The following CDH22 variants were observed in gnomAD, a reference collection of about 807,000 sequenced individuals.
The protein encoded by CDH22 is cadherin-22.
Under a neutral mutation model 58.4 loss-of-function variants are expected in CDH22, and 30 were observed. That is an observed-to-expected ratio of 0.51 (90% CI 0.38 to 0.70). CDH22 has a LOEUF of 0.70. Ranked by LOEUF, CDH22 falls within the 30% of genes least tolerant of loss-of-function variation. CDH22 has a pLI of 0.00. For synonymous variants in CDH22, 513 were observed against 558.2 expected (o/e 0.92, Z 1.14); for missense variants, 1,014 against 1,233.9 (o/e 0.82, Z 2.67).
chr20:46,247,148 T>G (rs1209529702), intron 2 of CDH22, among the ~76,000 whole-genome samples: 1 of 152,122 alleles, frequency 6.6e-6, no homozygotes, highest in East Asian at 1.9e-4. Context: ...CTCAAGATGG[T>G]GGAACTATCC....
chr20:46,185,472 T>C (rs1309458762), intron 10 of CDH22, among the ~76,000 whole-genome samples: 1 of 152,120 alleles, frequency 6.6e-6, no homozygotes, highest in African/African-American at 2.4e-5. Context: ...TATATGACCC[T>C]GGGCAGGACT....
At chr20:46,287,579 C>T (rs569915814) in intron 1 of CDH22, among the ~76,000 whole-genome samples, 2 of 151,120 alleles carry the variant, frequency 1.3e-5, no homozygotes, top group South Asian at 2.1e-4. Flanking sequence ...TGAAAGGCAG[C>T]GGGGAGGTTG....
intron 10 of CDH22, 53 bp downstream of exon 10, chr20:46,186,534 AG>A: frequency 8.0e-7 from 1 of 1,254,640 alleles, no homozygotes; most frequent in South Asian, 1.2e-5. Context: ...ATATGGGAAC[AG>A]GGCAGGGAGA....
At chr20:46,296,915 G>T (rs1458149653) in intron 1 of CDH22, among the ~76,000 whole-genome samples, 1 of 152,198 alleles carries the variant, frequency 6.6e-6, no homozygotes, top group African/African-American at 2.4e-5. Flanking sequence ...CAAAGCTGCA[G>T]GTCTCCACCC....
intron 2 of CDH22, among the ~76,000 whole-genome samples, chr20:46,249,866 C>T (rs1236477270): frequency 6.6e-6 from 1 of 152,188 alleles, no homozygotes; most frequent in Non-Finnish European, 1.5e-5. Flanking sequence ...TCTTTCCCAC[C>T]AGCCTGATGA....
intron 10 of CDH22, among the ~76,000 whole-genome samples, chr20:46,181,821 C>CTCT: frequency 1.7e-5 from 2 of 119,404 alleles, no homozygotes; most frequent in African/African-American, 3.1e-5. Flanking sequence ...TCCTTTCTTT[C>CTCT]TTCCTTTCTT....
In CDH22 at chr20:46,193,672, C is replaced by T. The variant is rs150965299; in HGVS notation, c.1423+5751G>A. Among the ~76,000 whole-genome samples, 6 of 152,304 alleles carry T rather than the reference C, an allele frequency of 3.9e-5. No individual in the cohort carries two copies. The East Asian group carries it at 1.2e-3, about 29-fold the overall frequency. ...CCCCTTGCCTCACCTGCTCTGGACA[C>T]CCTTCAGCTCCAGAGCCTGGCCACA... On this transcript the variant is annotated intron_variant, in intron 8 of 11. Transcript: ENST00000537909.
At chr20:46,282,784 C>A (rs554921607) in intron 1 of CDH22, among the ~76,000 whole-genome samples, 12 of 152,250 alleles carry the variant, frequency 7.9e-5, no homozygotes, top group African/African-American at 2.6e-4. Context: ...GATTGCCCCT[C>A]CCCCATACCA....
intron 7 of CDH22, among the ~76,000 whole-genome samples, chr20:46,203,031 C>T (rs1000605416): frequency 6.6e-6 from 1 of 152,214 alleles, no homozygotes; most frequent in African/African-American, 2.4e-5. Context: ...TGCTGCTCCT[C>T]CTCCTCCTCT....
At chr20:46,235,484 A>C (rs549108609) in intron 3 of CDH22, among the ~76,000 whole-genome samples, 1 of 152,292 alleles carries the variant, frequency 6.6e-6, no homozygotes, top group South Asian at 2.1e-4. Flanking sequence ...CATAGATCCA[A>C]CTGTCCCCTT....
chr20:46,199,390 T>A (rs2085936471), intron 8 of CDH22, 33 bp downstream of exon 8: 2 of 1,596,952 alleles, frequency 1.3e-6, no homozygotes, highest in Non-Finnish European at 8.5e-7. Flanking sequence ...GGCCCCATAT[T>A]TGCCCTTGGA....
intron 4 of CDH22, among the ~76,000 whole-genome samples, chr20:46,221,610 A>T (rs530983075): frequency 6.6e-6 from 1 of 152,172 alleles, no homozygotes; most frequent in Non-Finnish European, 1.5e-5. Flanking sequence ...GCCACATTCT[A>T]TTGGCCAAAG....
At chr20:46,271,354 C>T (rs1053673393) in intron 1 of CDH22, among the ~76,000 whole-genome samples, 2 of 152,132 alleles carry the variant, frequency 1.3e-5, no homozygotes, top group Admixed American at 6.6e-5. Flanking sequence ...ATGGATTCTC[C>T]CTTCTCCTGC....
chr20:46,201,061 C>G (rs557520416), intron 7 of CDH22, among the ~76,000 whole-genome samples: 3 of 152,366 alleles, frequency 2.0e-5, no homozygotes, highest in South Asian at 2.1e-4. Context: ...CTTAAAGGCC[C>G]GTGTCCAACA....
intron 3 of CDH22, among the ~76,000 whole-genome samples, chr20:46,235,809 T>C (rs937058510): frequency 2.0e-5 from 3 of 152,340 alleles, no homozygotes; most frequent in East Asian, 1.9e-4. Context: ...TGCTTCCTCA[T>C]TGGCCTCCCT....
chr20:46,188,629 C>A (rs2085842963), intron 8 of CDH22, among the ~76,000 whole-genome samples: 1 of 152,108 alleles, frequency 6.6e-6, no homozygotes, highest in East Asian at 1.9e-4. Context: ...TTGTAAATAA[C>A]CAGACATTCT....
At chr20:46,307,818 G>T (rs1042132957) in intron 1 of CDH22, among the ~76,000 whole-genome samples, 2 of 152,022 alleles carry the variant, frequency 1.3e-5, no homozygotes, top group Non-Finnish European at 2.9e-5. Flanking sequence ...AGCCCCGCTA[G>T]CAGGGTTGGG....
At chr20:46,247,099 T>C (rs926491752) in intron 2 of CDH22, among the ~76,000 whole-genome samples, 6 of 152,086 alleles carry the variant, frequency 3.9e-5, no homozygotes, top group African/African-American at 7.2e-5. Context: ...AAAAAGACTT[T>C]TTGGGATTTG....
At chr20:46,222,709 C>T (rs907142526) in intron 4 of CDH22, among the ~76,000 whole-genome samples, 3 of 152,338 alleles carry the variant, frequency 2.0e-5, no homozygotes, top group East Asian at 1.9e-4. Context: ...CCCTGGAGCC[C>T]GTGTGATGCC....
Sources: gnomAD v4.1 joint callset for allele counts (sites outside exome capture counted in the v4.1 genomes callset) on GRCh38, gnomAD v4.1.1 for gene constraint, MANE v1.5 for transcripts, NCBI Gene and HGNC (gene_info 2026-07-23, HGNC 2026-07-21) for gene names.